Variants in PMFBP1 observed in about 807,000 individuals in gnomAD.
PMFBP1 encodes the protein polyamine-modulated factor 1-binding protein 1.
In PMFBP1, 131 loss-of-function variants were observed where a neutral mutation model predicts 137.8. The observed-to-expected ratio is 0.95, with a 90% CI of 0.82 to 1.10. The LOEUF (loss-of-function observed/expected upper bound fraction) is 1.10. Ranked by LOEUF, PMFBP1 falls within the 50% of genes least tolerant of loss-of-function variation. The probability of loss-of-function intolerance (pLI) is 0.00; values close to 1 mark genes in which losing one functional copy is unlikely to be tolerated. For missense variants in PMFBP1, 1,199 were observed against 1,175.4 expected (o/e 1.02, Z -0.29); for synonymous variants, 490 against 450.4 (o/e 1.09, Z -1.11).
chr16:72,122,783 G>C, intron 19 of PMFBP1, 131 bp downstream of exon 19: 1 of 747,950 alleles, frequency 1.3e-6, no homozygotes, highest in Non-Finnish European at 2.2e-6. Flanking sequence ...TTCGAGACCT[G>C]GGGGTCTTTC....
chr16:72,194,056 C>T, the PMFBP1 span, among the ~76,000 whole-genome samples: 2 of 151,536 alleles, frequency 1.3e-5, no homozygotes, highest in East Asian at 3.9e-4. Flanking sequence ...TCTCTTGGAG[C>T]CTTTGAAAAT....
the PMFBP1 span, among the ~76,000 whole-genome samples, chr16:72,237,366 C>G: frequency 2.6e-5 from 4 of 152,168 alleles, no homozygotes; most frequent in African/African-American, 9.6e-5. Context: ...GAAAAAAATG[C>G]TTTCCACTAG....
At chr16:72,127,885 AT>A (rs1178886883) in intron 14 of PMFBP1, among the ~76,000 whole-genome samples, 1 of 152,188 alleles carries the variant, frequency 6.6e-6, no homozygotes, top group Non-Finnish European at 1.5e-5. Context: ...TTTAAGATTT[AT>A]TTTTATATTA....
chr16:72,222,256 A>G, the PMFBP1 span, among the ~76,000 whole-genome samples: 1 of 152,090 alleles, frequency 6.6e-6, no homozygotes, highest in Non-Finnish European at 1.5e-5. Flanking sequence ...AAAGGCACTC[A>G]CCACCATGCC....
intron 5 of PMFBP1, among the ~76,000 whole-genome samples, chr16:72,146,015 C>T (rs574275587): frequency 6.6e-6 from 1 of 152,218 alleles, no homozygotes; most frequent in Non-Finnish European, 1.5e-5. Flanking sequence ...GGGAATCCTC[C>T]CTAACTCATT....
the PMFBP1 span, among the ~76,000 whole-genome samples, chr16:72,235,494 C>CTT: frequency 1.1e-4 from 15 of 136,206 alleles, no homozygotes; most frequent in Admixed American, 3.0e-4. Context: ...TTTGGCCATT[C>CTT]TTTTTTTTTT....
the PMFBP1 span, among the ~76,000 whole-genome samples, chr16:72,217,050 A>T: frequency 6.6e-6 from 1 of 152,192 alleles, no homozygotes; most frequent in African/African-American, 2.4e-5. Flanking sequence ...CTGGGCAGAG[A>T]TGAGTGTGTC....
Position 72,130,535 on chromosome 16 carries a change from G to C in PMFBP1, c.1635C>G (p.Asn545Lys). ...SSMAEKEQTS[N>K]RKRVEELSLE... ...GAGGGGAGCCTGAGCCTGGGCACCT[G>C]TTGGAGGTTTGTTCCTTCTCAGCCA... Residue 545 changes from asparagine (N) to lysine (K), a missense_variant and splice_region_variant, in exon 11 of 21, where the codon AAC becomes AAG. Physicochemically the swap from Asn to Lys is moderately conservative, Grantham distance 94. Transcript: ENST00000237353. 1 of 1,614,088 alleles carries C rather than the reference G, an allele frequency of 6.2e-7. No individual in the cohort carries two copies. Among genetic ancestry groups the C allele is most frequent in the Middle Eastern group, 1.6e-4 (1 of 6,062 alleles).
the PMFBP1 span, among the ~76,000 whole-genome samples, chr16:72,189,114 C>T: frequency 3.3e-5 from 5 of 152,082 alleles, no homozygotes; most frequent in African/African-American, 1.2e-4. Context: ...AGGCACCGTG[C>T]TATGGACTTT....
the PMFBP1 span, among the ~76,000 whole-genome samples, chr16:72,218,574 C>T: frequency 6.6e-6 from 1 of 152,188 alleles, no homozygotes; most frequent in Non-Finnish European, 1.5e-5. Flanking sequence ...AGCCACCGCA[C>T]CCGGCCTAAT....
At chr16:72,128,851 T>C in intron 13 of PMFBP1, 57 bp from the exon 14 acceptor site, 1 of 1,604,882 alleles carries the variant, frequency 6.2e-7, no homozygotes, top group Non-Finnish European at 8.5e-7. Flanking sequence ...CAGATAACTA[T>C]AAAAGCCCCA....
At chr16:72,212,810 G>A in the PMFBP1 span, among the ~76,000 whole-genome samples, 1 of 152,260 alleles carries the variant, frequency 6.6e-6, no homozygotes, top group East Asian at 1.9e-4. Context: ...TTAAAAAAAA[G>A]ATCCTGAAAG....
chr16:72,122,894 G>C lies in PMFBP1; in HGVS notation c.2768+20C>G, dbSNP rs780463803. 1.2e-6 allele frequency: 2 copies of C among 1,607,166 alleles called. No homozygotes were observed. The highest frequency in any genetic ancestry group is 2.2e-5 in the East Asian group (1 of 44,840). On this transcript the variant is annotated intron_variant, in intron 19 of 20. Transcript: ENST00000237353. Reference sequence around the variant, plus strand: ...TTGTCAGCTCCCAGGAAGCAGCCAGGGTGGTTTAAGATGACTTACTCCTTT... The same window carrying C: ...TTGTCAGCTCCCAGGAAGCAGCCAGCGTGGTTTAAGATGACTTACTCCTTT...
chr16:72,187,484 C>T, the PMFBP1 span, among the ~76,000 whole-genome samples: 1 of 152,160 alleles, frequency 6.6e-6, no homozygotes, highest in African/African-American at 2.4e-5. Flanking sequence ...TCACTTGTAA[C>T]CCTAAAGAGC....
At chr16:72,248,176 G>C in the PMFBP1 span, among the ~76,000 whole-genome samples, 1 of 152,158 alleles carries the variant, frequency 6.6e-6, no homozygotes, top group Non-Finnish European at 1.5e-5. Flanking sequence ...GGAAGATCGT[G>C]TACCAAAGAT....
At chr16:72,208,598 A>C in the PMFBP1 span, among the ~76,000 whole-genome samples, 1 of 152,270 alleles carries the variant, frequency 6.6e-6, no homozygotes, top group Admixed American at 6.5e-5. Flanking sequence ...TCTGGGGCAA[A>C]GGAATAATCC....
At chr16:72,142,471 A>C (rs2042738112) in intron 5 of PMFBP1, among the ~76,000 whole-genome samples, 2 of 152,248 alleles carry the variant, frequency 1.3e-5, no homozygotes, top group South Asian at 2.1e-4. Flanking sequence ...AATGAGAAAC[A>C]CACTGACATC....
chr16:72,217,697 C>T, the PMFBP1 span, among the ~76,000 whole-genome samples: 11 of 152,122 alleles, frequency 7.2e-5, no homozygotes, highest in East Asian at 1.9e-3. Context: ...ACTAAAAATA[C>T]AAAAAATTAG....
chr16:72,137,196 T>A (rs1248792798), intron 7 of PMFBP1, among the ~76,000 whole-genome samples: 1 of 152,226 alleles, frequency 6.6e-6, no homozygotes. Context: ...CCTGTATCCC[T>A]TCCTCCCTGA....
Sources: gnomAD v4.1 joint callset for allele counts (sites outside exome capture counted in the v4.1 genomes callset) on GRCh38, gnomAD v4.1.1 for gene constraint, MANE v1.5 for transcripts, NCBI Gene and HGNC (gene_info 2026-07-23, HGNC 2026-07-21) for gene names.